Variants in UGT3A1 observed in about 807,000 individuals in gnomAD.
UGT3A1 encodes the protein UDP glycosyltransferase family 3 member A1.
Under a neutral mutation model 37.6 loss-of-function variants are expected in UGT3A1, and 40 were observed. The ratio of observed to expected loss-of-function variants is 1.06; its 90% CI spans 0.83 to 1.38. UGT3A1 has a LOEUF of 1.38. UGT3A1 is among the 40% of genes most tolerant of loss of function. The pLI, the probability that UGT3A1 is intolerant of heterozygous loss-of-function variation, is 0.00. For missense variants in UGT3A1, 642 were observed against 634.2 expected (o/e 1.01, Z -0.13); for synonymous variants, 256 against 232.3 (o/e 1.10, Z -0.93).
intron 2 of UGT3A1, among the ~76,000 whole-genome samples, chr5:35,980,338 C>T (rs886090505): frequency 6.6e-6 from 1 of 152,178 alleles, no homozygotes; most frequent in Non-Finnish European, 1.5e-5. Context: ...GACTGGATAA[C>T]ATTTTCATAA....
intron 4 of UGT3A1, among the ~76,000 whole-genome samples, chr5:35,959,806 A>G (rs1007806954): frequency 2.0e-5 from 3 of 152,178 alleles, no homozygotes; most frequent in South Asian, 4.1e-4. Context: ...ATACACACAC[A>G]CACACTAAAG....
chr5:35,996,326 T>C (rs1406195675), upstream of UGT3A1, among the ~76,000 whole-genome samples: 1 of 152,192 alleles, frequency 6.6e-6, no homozygotes, highest in Non-Finnish European at 1.5e-5. Flanking sequence ...GAGATTCATA[T>C]AATAATAAAC....
chr5:35,980,373 C>T (rs6889699), intron 2 of UGT3A1, among the ~76,000 whole-genome samples: 39,120 of 152,136 alleles, frequency 0.26, 6,633 homozygotes, highest in African/African-American at 0.46. Flanking sequence ...AAGGTAGCCA[C>T]ATCTGGCCAG....
In UGT3A1 at chr5:35,954,271, C is replaced by G; in HGVS notation, c.1503G>C (p.Trp501Cys). The G allele has an allele frequency of 6.2e-7, 1 of 1,614,160 alleles. No individual in the cohort carries two copies. The highest frequency in any genetic ancestry group is 8.5e-7 in the Non-Finnish European group (1 of 1,180,034). ...FLLGLTLGTM[W>C]LCGKLLGVVA... is the part of the protein sequence containing the mutation. ...CCACACCCAGCAGCTTCCCACAAAGCCACATAGTGCCCAGAGTGAGCCCCA... is the reference window on the plus strand; with the variant it reads ...CCACACCCAGCAGCTTCCCACAAAGGCACATAGTGCCCAGAGTGAGCCCCA... The change falls in exon 7 of 7, where the codon TGG (tryptophan) becomes TGC (cysteine). Residue 501 changes from tryptophan to cysteine, a missense_variant. Transcript: ENST00000274278.
intron 2 of UGT3A1, among the ~76,000 whole-genome samples, chr5:35,985,396 C>T (rs1740691614): frequency 6.6e-6 from 1 of 152,000 alleles, no homozygotes; most frequent in Admixed American, 6.5e-5. Context: ...TCCTGAGTAA[C>T]CAAAGCAATC....
intron 4 of UGT3A1, among the ~76,000 whole-genome samples, chr5:35,964,418 T>A (rs1176610603): frequency 1.3e-5 from 2 of 152,034 alleles, no homozygotes; most frequent in Non-Finnish European, 2.9e-5. Context: ...TGACCTGGGG[T>A]GCTTTCCCTC....
intron 2 of UGT3A1, among the ~76,000 whole-genome samples, chr5:35,972,378 TTCTGCTTCAAGA>T (rs1740079222): frequency 6.6e-6 from 1 of 151,714 alleles, no homozygotes; most frequent in African/African-American, 2.4e-5. Flanking sequence ...AAAAAAAAAA[TTCTGCTTCAAGA>T]CTGCAACATC....
intron 3 of UGT3A1, among the ~76,000 whole-genome samples, chr5:35,967,645 A>G (rs1739864715): frequency 6.6e-6 from 1 of 152,216 alleles, no homozygotes; most frequent in Non-Finnish European, 1.5e-5. Context: ...TGAAGATCCT[A>G]GCTTCTTTGT....
At chr5:35,986,953 T>A (rs1019645508) in intron 2 of UGT3A1, among the ~76,000 whole-genome samples, 1 of 152,150 alleles carries the variant, frequency 6.6e-6, no homozygotes, top group Non-Finnish European at 1.5e-5. Flanking sequence ...GTACATCTAT[T>A]ATGCAGCAAT....
At chr5:35,987,661 A>G (rs1740778940) in intron 2 of UGT3A1, among the ~76,000 whole-genome samples, 2 of 152,178 alleles carry the variant, frequency 1.3e-5, no homozygotes, top group African/African-American at 2.4e-5. Context: ...CCTGAAGTTT[A>G]CCTTCAGAAT....
chr5:35,957,188 C>T lies in UGT3A1; in HGVS notation c.1075G>A (p.Ala359Thr), dbSNP rs767060972. 10 of 1,613,494 alleles carry T rather than the reference C, an allele frequency of 6.2e-6. No homozygotes were observed. In the South Asian group the frequency reaches 9.9e-5, roughly 16 times the overall value. Residue 359 changes from alanine (A) to threonine (T), a missense_variant and splice_region_variant, in exon 5 of 7, where the codon GCT becomes ACT. Coordinates refer to ENST00000274278, the MANE Select transcript of UGT3A1 (RefSeq NM_152404.4). ...AAGAGCAGACCTAAGCAGTCCTTACCCAGGAGGTCACTCTGAGGAAGCCAG... is the reference window on the plus strand; with the variant it reads ...AAGAGCAGACCTAAGCAGTCCTTACTCAGGAGGTCACTCTGAGGAAGCCAG... ...VDWLPQSDLL[A>T]HPSIRLFVTH... is the part of the protein sequence containing the mutation.
At chr5:35,957,500 C>T (rs1283673346) in intron 4 of UGT3A1, 81 bp from the exon 5 acceptor site, 8 of 1,123,158 alleles carry the variant, frequency 7.1e-6, no homozygotes, top group Non-Finnish European at 9.0e-6. Flanking sequence ...AGTCTATTTA[C>T]TAAACATACC....
chr5:35,980,708 A>G (rs1740486851), intron 2 of UGT3A1, among the ~76,000 whole-genome samples: 1 of 152,238 alleles, frequency 6.6e-6, no homozygotes, highest in African/African-American at 2.4e-5. Context: ...TTTGATCATT[A>G]TCTGTCTAAC....
rs1396625857 is a variant in UGT3A1, at chr5:35,953,544, C to T, written c.*658G>A. The T allele has an allele frequency of 6.6e-6, 1 of 152,396 alleles. No homozygotes were observed. The highest frequency in any genetic ancestry group is 1.9e-4 in the East Asian group (1 of 5,340). The allele number at this position is 152,396 out of a possible 1,614,324, so 9.4% of individuals were successfully genotyped here. ...AAGCCTTACACATGGATTTCCACTT[C>T]ACTACTTGAGGTTCCCTGTACTCCA... On this transcript the variant is annotated 3_prime_UTR_variant, in exon 7 of 7. Coordinates refer to ENST00000274278, the MANE Select transcript of UGT3A1 (RefSeq NM_152404.4).
At chr5:35,963,616 A>T (rs2149958141) in intron 4 of UGT3A1, among the ~76,000 whole-genome samples, 1 of 152,358 alleles carries the variant, frequency 6.6e-6, no homozygotes, top group African/African-American at 2.4e-5. Flanking sequence ...GCTCTGTGCA[A>T]ATAGGTTCCT....
At chr5:35,968,954 T>A (rs1198415843) in intron 2 of UGT3A1, among the ~76,000 whole-genome samples, 1 of 152,240 alleles carries the variant, frequency 6.6e-6, no homozygotes, top group East Asian at 1.9e-4. Flanking sequence ...GGATCATGTG[T>A]CTCAAACCAA....
upstream of UGT3A1, among the ~76,000 whole-genome samples, chr5:35,992,559 T>G (rs1029659607): frequency 2.7e-5 from 4 of 149,592 alleles, no homozygotes; most frequent in Non-Finnish European, 5.9e-5. Flanking sequence ...TGACAGCTAA[T>G]TATTACACCA....
At chr5:35,955,212 T>C (rs928868524) in intron 6 of UGT3A1, 23 of 236,226 alleles carry the variant, frequency 9.7e-5, no homozygotes, top group East Asian at 9.1e-5. Context: ...GGAAGAAACA[T>C]TGGAGAAGAG....
At chr5:35,991,114 G>C (rs1475207502) in intron 1 of UGT3A1, 33 bp downstream of exon 1, 1 of 1,614,086 alleles carries the variant, frequency 6.2e-7, no homozygotes, top group Non-Finnish European at 8.5e-7. Flanking sequence ...TCCGGGACGC[G>C]CCTGTCTGGG....
Sources: gnomAD v4.1 joint callset for allele counts (sites outside exome capture counted in the v4.1 genomes callset) on GRCh38, gnomAD v4.1.1 for gene constraint, MANE v1.5 for transcripts, NCBI Gene and HGNC (gene_info 2026-07-23, HGNC 2026-07-21) for gene names.